The following JARID2 variants were observed in gnomAD, a reference collection of about 807,000 sequenced individuals.
JARID2 encodes jumonji and AT-rich interaction domain containing 2, also known as protein Jumonji.
In JARID2, 21 loss-of-function variants were observed where a neutral mutation model predicts 125.6. The observed-to-expected ratio is 0.17, with a 90% CI of 0.12 to 0.24. The LOEUF is 0.24. Among genes scored for constraint, JARID2 ranks in the 10% least tolerant of loss-of-function variants. The probability of loss-of-function intolerance (pLI) is 1.00; values close to 1 mark genes in which losing one functional copy is unlikely to be tolerated. For missense variants in JARID2, 1,303 were observed against 1,639.6 expected, an observed-to-expected ratio of 0.79 and a Z score of 3.55; for synonymous variants, 736 against 661.6, an observed-to-expected ratio of 1.11 and a Z score of -1.73.
intron 1 of JARID2, among the ~76,000 whole-genome samples, chr6:15,353,642 G>A (rs187039288): frequency 2.4e-4 from 37 of 152,134 alleles, no homozygotes; most frequent in Admixed American, 2.4e-3. Context: ...TTTTCCTGGT[G>A]GGAATTCCAT....
chr6:15,485,258 C>T (rs920167894), intron 5 of JARID2, among the ~76,000 whole-genome samples: 4 of 152,066 alleles, frequency 2.6e-5, no homozygotes, highest in Non-Finnish European at 5.9e-5. Flanking sequence ...GGCTCACAAC[C>T]GATAATCCAG....
intron 4 of JARID2, among the ~76,000 whole-genome samples, chr6:15,462,849 T>C (rs1768518430): frequency 6.6e-6 from 1 of 152,252 alleles, no homozygotes; most frequent in Admixed American, 6.5e-5. Flanking sequence ...TCCAATTTTA[T>C]AGAAACCACA....
chr6:15,487,153 G>A (rs1769911401), intron 5 of JARID2, among the ~76,000 whole-genome samples, 154 bp from the exon 6 acceptor site: 1 of 152,084 alleles, frequency 6.6e-6, no homozygotes, highest in South Asian at 2.1e-4. Flanking sequence ...CTGCCTCCAT[G>A]ATCCAGTCAC....
Position 15,330,076 on chromosome 6 carries a change from G to A in JARID2, c.46-44041G>A, listed in dbSNP as rs1333582762. 2.0e-5 allele frequency among the ~76,000 whole-genome samples: 3 copies of A among 152,166 alleles called. No homozygotes were observed. The East Asian group carries it at 5.8e-4, about 29-fold the overall frequency. Reference sequence around the variant, plus strand: ...ATGACCTAAGGAAAAGGATATATATGTGCTCTAGGAGTGAATTCTGGTGAG... The same window carrying A: ...ATGACCTAAGGAAAAGGATATATATATGCTCTAGGAGTGAATTCTGGTGAG... On this transcript the variant is annotated intron_variant, in intron 1 of 17. Coordinates refer to ENST00000341776, the MANE Select transcript of JARID2 (RefSeq NM_004973.4).
chr6:15,263,447 C>T (rs192574431), intron 1 of JARID2, among the ~76,000 whole-genome samples: 149 of 152,126 alleles, frequency 9.8e-4, no homozygotes, highest in African/African-American at 3.4e-3. Flanking sequence ...AACTACCCTT[C>T]GTAATGAACT....
intron 4 of JARID2, among the ~76,000 whole-genome samples, chr6:15,459,256 C>A (rs550212239): frequency 2.8e-4 from 42 of 152,146 alleles, no homozygotes; most frequent in Non-Finnish European, 5.6e-4. Context: ...CCTTTTGATA[C>A]CAAAATTCAT....
At chr6:15,486,245 G>A (rs1769859815) in intron 5 of JARID2, among the ~76,000 whole-genome samples, 1 of 152,236 alleles carries the variant, frequency 6.6e-6, no homozygotes, top group South Asian at 2.1e-4. Flanking sequence ...CAGAGAAATG[G>A]ATGTGAAAGT....
intron 1 of JARID2, among the ~76,000 whole-genome samples, chr6:15,358,832 C>T (rs1763693572): frequency 1.3e-5 from 2 of 152,166 alleles, no homozygotes; most frequent in African/African-American, 4.8e-5. Context: ...TAGATTTTTT[C>T]ATGCCAGGAG....
chr6:15,487,409 C>T lies in JARID2; in HGVS notation c.773C>T (p.Ala258Val), dbSNP rs756494750. ...AAGGAGAAGCACAGCGATCACCGGG[C>T]TGACAGCCGCCGGGAGCAGGCTTCA... is the stretch of plus-strand genomic sequence containing the variant. ...PAKEKHSDHR[A>V]DSRREQASAN... Residue 258 changes from alanine to valine, a missense_variant, in exon 6 of 18, where the codon GCT becomes GTT. Transcript: ENST00000341776. 7.4e-6 allele frequency: 12 copies of T among 1,614,264 alleles called. No homozygotes were observed. Among genetic ancestry groups the T allele is most frequent in the Non-Finnish European group, 9.3e-6 (11 of 1,180,048 alleles).
chr6:15,491,492 C>T (rs896544152), intron 6 of JARID2, among the ~76,000 whole-genome samples: 4 of 152,212 alleles, frequency 2.6e-5, no homozygotes, highest in African/African-American at 9.7e-5. Flanking sequence ...TGGACTACCC[C>T]CAGCCACCAA....
At chr6:15,251,206 T>C (rs965111566) in intron 1 of JARID2, among the ~76,000 whole-genome samples, 2 of 152,174 alleles carry the variant, frequency 1.3e-5, no homozygotes, top group African/African-American at 4.8e-5. Flanking sequence ...AGATGGAGTT[T>C]CATTTCACCA....
At chr6:15,285,062 A>G (rs892937036) in intron 1 of JARID2, among the ~76,000 whole-genome samples, 1 of 149,884 alleles carries the variant, frequency 6.7e-6, no homozygotes, top group Non-Finnish European at 1.5e-5. Context: ...ATTTCAGAAC[A>G]ATTGCATTGA....
chr6:15,383,557 A>G (rs2127531269), intron 2 of JARID2, among the ~76,000 whole-genome samples: 1 of 152,178 alleles, frequency 6.6e-6, no homozygotes, highest in East Asian at 1.9e-4. Flanking sequence ...AAAATCCCCC[A>G]TAAGAAAATG....
intron 4 of JARID2, among the ~76,000 whole-genome samples, chr6:15,460,951 C>G (rs980113386): frequency 6.6e-6 from 1 of 152,190 alleles, no homozygotes; most frequent in East Asian, 1.9e-4. Flanking sequence ...GGTATCTGCC[C>G]ACCTTGGCCT....
At chr6:15,510,405 G>A (rs1191519291) in intron 12 of JARID2, among the ~76,000 whole-genome samples, 2 of 152,188 alleles carry the variant, frequency 1.3e-5, no homozygotes, top group Non-Finnish European at 2.9e-5. Flanking sequence ...GTGAGTGGAA[G>A]TGTGGCCCTG....
chr6:15,400,441 C>T (rs990089027), intron 2 of JARID2, among the ~76,000 whole-genome samples: 1 of 151,482 alleles, frequency 6.6e-6, no homozygotes, highest in Non-Finnish European at 1.5e-5. Context: ...AAAAGGGATG[C>T]CATTGAAACT....
At chr6:15,434,062 T>C (rs1767096647) in intron 3 of JARID2, among the ~76,000 whole-genome samples, 2 of 152,018 alleles carry the variant, frequency 1.3e-5, no homozygotes, top group Admixed American at 6.6e-5. Flanking sequence ...AGACAGTTTA[T>C]ACCCAGTGGG....
chr6:15,380,647 C>G (rs559768711), intron 2 of JARID2, among the ~76,000 whole-genome samples: 37 of 152,134 alleles, frequency 2.4e-4, no homozygotes, highest in African/African-American at 8.5e-4. Flanking sequence ...GTATTGGAAG[C>G]GCAGATGTGG....
At chr6:15,256,422 C>T (rs1759668229) in intron 1 of JARID2, among the ~76,000 whole-genome samples, 1 of 152,210 alleles carries the variant, frequency 6.6e-6, no homozygotes, top group Non-Finnish European at 1.5e-5. Flanking sequence ...ACTGGAGTGG[C>T]ACTGAATCTG....
Sources: allele counts gnomAD v4.1 joint callset (sites outside exome capture counted in the v4.1 genomes callset), GRCh38; gene constraint gnomAD v4.1.1; transcripts MANE v1.5; gene names NCBI Gene and HGNC (gene_info 2026-07-23, HGNC 2026-07-21).